PRKAA2: variants seen among roughly 807,000 people sequenced by gnomAD.
PRKAA2 encodes the protein protein kinase AMP-activated catalytic subunit alpha 2.
Under a neutral mutation model 56.3 loss-of-function variants are expected in PRKAA2, and 40 were observed. The ratio of observed to expected loss-of-function variants is 0.71; its 90% CI spans 0.55 to 0.92. The LOEUF is 0.92. PRKAA2 is among the 40% of genes least tolerant of loss of function. PRKAA2 has a pLI of 0.00. For missense variants in PRKAA2, 542 were observed against 686.9 expected, an observed-to-expected ratio of 0.79 and a Z score of 2.36; for synonymous variants, 214 against 234.2, an observed-to-expected ratio of 0.91 and a Z score of 0.79.
At chr1:56,665,662 A>G (rs1041813047) in intron 1 of PRKAA2, among the ~76,000 whole-genome samples, 1 of 152,190 alleles carries the variant, frequency 6.6e-6, no homozygotes, top group Non-Finnish European at 1.5e-5. Context: ...CCAGCAACCT[A>G]TAAAAGTTCC....
At position 56,711,892 on chromosome 1, in the gene PRKAA2, T is replaced by C. The variant is rs1644370923; in HGVS notation, c.*4179T>C. On this transcript the variant is annotated 3_prime_UTR_variant, in exon 9 of 9. Transcript: ENST00000371244. ...ATGAGTGTGAATGTTTCTGTTTTGA[T>C]TTGGTGAGGCATGTCAGAGGTATAT... The C allele has an allele frequency of 6.6e-6, 1 of 152,138 alleles. No homozygotes were observed. The highest frequency in any genetic ancestry group is 2.4e-5 in the African/African-American group (1 of 41,434). The allele number at this position is 152,138 out of a possible 1,614,324, so 9.4% of individuals were successfully genotyped here.
At chr1:56,668,404 T>TA (rs1324882336) in intron 1 of PRKAA2, among the ~76,000 whole-genome samples, 2 of 106,378 alleles carry the variant, frequency 1.9e-5, no homozygotes, top group South Asian at 3.4e-4. Flanking sequence ...CCCCAAAACT[T>TA]AAAGTATAAA....
chr1:56,697,824 A>C (rs1569785627), intron 6 of PRKAA2, among the ~76,000 whole-genome samples: 1 of 151,910 alleles, frequency 6.6e-6, no homozygotes, highest in South Asian at 2.1e-4. Context: ...TATTAAAAAA[A>C]AAGTCAAATG....
intron 1 of PRKAA2, among the ~76,000 whole-genome samples, chr1:56,654,962 C>T (rs1286973849): frequency 6.6e-6 from 1 of 151,510 alleles, no homozygotes; most frequent in Non-Finnish European, 1.5e-5. Context: ...ATGTCTCTTA[C>T]TCTGAATGTT....
intron 2 of PRKAA2, 100 bp from the exon 3 acceptor site, chr1:56,691,294 A>G: frequency 1.4e-6 from 1 of 702,604 alleles, no homozygotes. Context: ...TTAAAGTATT[A>G]TAAAACATTG....
intron 1 of PRKAA2, 120 bp from the exon 2 acceptor site, chr1:56,674,258 TACA>T (rs1215612736): frequency 2.6e-6 from 2 of 760,448 alleles, no homozygotes; most frequent in African/African-American, 1.8e-5. Flanking sequence ...TGTAGTTTTG[TACA>T]ACAAGGGATA....
chr1:56,686,350 A>G lies in PRKAA2; in HGVS notation c.237-5044A>G, dbSNP rs149801355. Among the ~76,000 whole-genome samples, 73 of 152,344 alleles carry G rather than the reference A, an allele frequency of 4.8e-4. 2 individuals carry two copies. In the South Asian group the frequency reaches 6.2e-3, roughly 13 times the overall value. ...TTCAATTGGAACATACACAATAACT[A>G]TGACTCAGCAGTTGCACTCATCAGT... On this transcript the variant is annotated intron_variant, in intron 2 of 8. Coordinates refer to ENST00000371244, the MANE Select transcript of PRKAA2 (RefSeq NM_006252.4).
At chr1:56,707,414 A>G (rs1480748960) in intron 8 of PRKAA2, 61 bp from the exon 9 acceptor site, 4 of 1,352,722 alleles carry the variant, frequency 3.0e-6, no homozygotes, top group Non-Finnish European at 4.2e-6. Flanking sequence ...TCATAAATTC[A>G]TAGGAAGGGC....
rs537916773 is a variant in PRKAA2, at chr1:56,713,123, A to G, written c.*5410A>G. 1 of 152,320 alleles carries G rather than the reference A, an allele frequency of 6.6e-6. No individual in the cohort carries two copies. The highest frequency in any genetic ancestry group is 2.4e-5 in the African/African-American group (1 of 41,574). 9.4% of individuals were successfully genotyped at this position (152,320 alleles called of 1,614,324 possible). A position where few individuals can be genotyped will look rare whatever the true frequency, so the allele number is the denominator to read the frequency against. ...TTAAAAATTATAAAAACTTCATTTA[A>G]ACAAGTTGCTGGCATCATTACTAGC... On this transcript the variant is annotated 3_prime_UTR_variant, in exon 9 of 9. Coordinates refer to ENST00000371244, the MANE Select transcript of PRKAA2 (RefSeq NM_006252.4).
rs537175826 is a variant in PRKAA2 at position 56,706,415 on chromosome 1, AG to A, written c.1420+198del. 1.4e-3 allele frequency among the ~76,000 whole-genome samples: 216 copies of A among 152,366 alleles called. 2 individuals carry two copies. Among genetic ancestry groups the A allele is most frequent in the South Asian group, 5.0e-3 (24 of 4,832 alleles). ...ACCTCTTACCTGGCATCTTTCCACA[AG>A]AAGTATCTCCGTGGCGTAAAAGAAT... is the stretch of plus-strand genomic sequence containing the variant. On this transcript the variant is annotated intron_variant, in intron 8 of 8. Coordinates refer to ENST00000371244, the MANE Select transcript of PRKAA2 (RefSeq NM_006252.4).
intron 1 of PRKAA2, among the ~76,000 whole-genome samples, chr1:56,661,553 A>G (rs184057839): frequency 1.8e-4 from 28 of 152,240 alleles, no homozygotes; most frequent in Admixed American, 3.3e-4. Context: ...AGACTATACT[A>G]TTATTTGTCC....
rs1384180370 is a variant in PRKAA2, at chr1:56,707,659, C to T, written c.1605C>T (p.His535=). Residue 535 remains histidine (H), a synonymous_variant, in exon 9 of 9, where the codon CAC becomes CAT. Transcript: ENST00000371244. ...CAGTTTCACCTCGCCTGGGCAGTCA[C>T]ACCATGGATTTTTTTGAAATGTGTG... ...LSSVSPRLGS[H]TMDFFEMCAS... 3 of 1,613,794 alleles carry T rather than the reference C, an allele frequency of 1.9e-6. No individual in the cohort carries two copies. The highest frequency in any genetic ancestry group is 3.3e-5 in the Admixed American group (2 of 59,992).
At chr1:56,702,363 G>A (rs857150) in intron 6 of PRKAA2, among the ~76,000 whole-genome samples, 67,007 of 152,066 alleles carry the variant, frequency 0.44, 15,462 homozygotes, top group East Asian at 0.59. Flanking sequence ...GATTACAGGC[G>A]TGAGCCACGG....
chr1:56,704,216 G>C lies in PRKAA2; in HGVS notation c.1034G>C (p.Ser345Thr), dbSNP rs1169896197. ...NQASEFYLASSPPSGSFMDDS... is the reference protein window; with the variant it reads ...NQASEFYLASTPPSGSFMDDS... ...GCCAGTGAGTTCTACCTCGCCTCTAGTCCTCCATCTGGTTCTTTTATGGAT... is the reference window on the plus strand; with the variant it reads ...GCCAGTGAGTTCTACCTCGCCTCTACTCCTCCATCTGGTTCTTTTATGGAT... Residue 345 changes from serine (S) to threonine (T), a missense_variant, in exon 7 of 9, where the codon AGT becomes ACT. This residue lies in a region of PRKAA2 where 198 missense variants were observed against 234.0 expected (regional missense o/e 0.85). Transcript: ENST00000371244. 8.7e-6 allele frequency: 14 copies of C among 1,613,982 alleles called. No individual in the cohort carries two copies. In the Admixed American group the frequency reaches 1.7e-4, roughly 19 times the overall value.
chr1:56,645,378 C>A lies in PRKAA2; in HGVS notation c.-10C>A, dbSNP rs1236360626. 3 of 1,466,544 alleles carry A rather than the reference C, an allele frequency of 2.0e-6. No individual in the cohort carries two copies. In the African/African-American group the frequency reaches 4.4e-5, roughly 22 times the overall value. The allele number at this position is 1,466,544 out of a possible 1,614,324, so 90.8% of individuals were successfully genotyped here. On this transcript the variant is annotated 5_prime_UTR_variant, in exon 1 of 9. Transcript: ENST00000371244. ...CGGCAGGCGGTGGAGCGAGGCCGCG[C>A]GCGCCGAAGATGGCTGAGAAGCAGA...
At position 56,691,430 on chromosome 1, in the gene PRKAA2, G is replaced by A; in HGVS notation, c.273G>A (p.Met91Ile). Residue 91 changes from methionine to isoleucine, a missense_variant, in exon 3 of 9, where the codon ATG becomes ATA. Around this residue, in one of 5 missense-constraint regions of PRKAA2, gnomAD observed 121 missense variants for 210.0 expected, o/e 0.58. Coordinates refer to ENST00000371244, the MANE Select transcript of PRKAA2 (RefSeq NM_006252.4). Reference protein sequence around the residue: ...QVISTPTDFFMVMEYVSGGEL... With the variant: ...QVISTPTDFFIVMEYVSGGEL... Reference sequence around the variant, plus strand: ...TCAGCACTCCAACAGATTTTTTTATGGTAATGGAATATGTGTCTGGAGGTG... The same window carrying A: ...TCAGCACTCCAACAGATTTTTTTATAGTAATGGAATATGTGTCTGGAGGTG... 6.2e-7 allele frequency: 1 copy of A among 1,612,450 alleles called. No individual in the cohort carries two copies. Among genetic ancestry groups the A allele is most frequent in the South Asian group, 1.1e-5 (1 of 90,914 alleles).
At chr1:56,646,792 G>A (rs1248413506) in intron 1 of PRKAA2, among the ~76,000 whole-genome samples, 1 of 152,168 alleles carries the variant, frequency 6.6e-6, no homozygotes, top group Non-Finnish European at 1.5e-5. Flanking sequence ...CCTTTGGTAA[G>A]AATCAGCTCC....
At chr1:56,653,260 A>G (rs1643915513) in intron 1 of PRKAA2, among the ~76,000 whole-genome samples, 1 of 149,664 alleles carries the variant, frequency 6.7e-6, no homozygotes, top group Non-Finnish European at 1.5e-5. Context: ...GCTGATATAT[A>G]TAGATATATA....
intron 1 of PRKAA2, among the ~76,000 whole-genome samples, chr1:56,655,984 G>C (rs1643938296): frequency 6.6e-6 from 1 of 152,184 alleles, no homozygotes; most frequent in African/African-American, 2.4e-5. Flanking sequence ...AGGGGATGCA[G>C]ATAGTAAAGA....
Sources: gnomAD v4.1 joint callset for allele counts (sites outside exome capture counted in the v4.1 genomes callset) on GRCh38, gnomAD v4.1.1 for gene constraint, gnomAD v4.1.1 regional missense constraint, MANE v1.5 for transcripts, NCBI Gene and HGNC (gene_info 2026-07-23, HGNC 2026-07-21) for gene names.